TTC28: variants seen among roughly 807,000 people sequenced by gnomAD.
TTC28 encodes the protein tetratricopeptide repeat protein 28.
In TTC28, 61 loss-of-function variants were observed where a neutral mutation model predicts 198.0. That is an observed-to-expected ratio of 0.31 (90% CI 0.25 to 0.38). The LOEUF is 0.38. Ranked by LOEUF, TTC28 falls within the 10% of genes least tolerant of loss-of-function variation. The pLI, the probability that TTC28 is intolerant of heterozygous loss-of-function variation, is 1.00. For synonymous variants in TTC28, 1,171 were observed against 1,297.8 expected (o/e 0.90, Z 2.10); for missense variants, 2,678 against 3,164.0 (o/e 0.85, Z 3.69).
intron 6 of TTC28, among the ~76,000 whole-genome samples, chr22:28,140,805 T>C (rs1012936013): frequency 2.6e-5 from 4 of 152,348 alleles, no homozygotes; most frequent in African/African-American, 7.2e-5. Flanking sequence ...ACGTTTTTTT[T>C]CCTCAGACTG....
chr22:28,296,343 GAAA>G lies in TTC28; in HGVS notation c.803-18_803-16del. On this transcript the variant is annotated splice_polypyrimidine_tract_variant and intron_variant, in intron 4 of 22. Transcript: ENST00000397906. ...TGTCTGGTCACCTGGATTGAATTGA[GAAA>G]AAAAAAAAGAAAAAATTTCTCTAAG... 2 of 1,145,598 alleles carry G rather than the reference GAAA, an allele frequency of 1.7e-6. No individual in the cohort carries two copies. Among genetic ancestry groups the G allele is most frequent in the Admixed American group, 3.5e-5 (1 of 28,862 alleles). 71.0% of individuals were successfully genotyped at this position (1,145,598 alleles called of 1,614,324 possible). A position where few individuals can be genotyped will look rare whatever the true frequency, so the allele number is the denominator to read the frequency against.
intron 2 of TTC28, among the ~76,000 whole-genome samples, chr22:28,311,336 T>G (rs2045252457): frequency 6.6e-6 from 1 of 152,018 alleles, no homozygotes; most frequent in African/African-American, 2.4e-5. Context: ...CACCACTGAT[T>G]TATAATTTAA....
intron 2 of TTC28, among the ~76,000 whole-genome samples, chr22:28,344,479 G>C (rs1446368471): frequency 6.6e-6 from 1 of 152,044 alleles, no homozygotes; most frequent in Non-Finnish European, 1.5e-5. Context: ...AAGCATTAAG[G>C]AAACTGTAGG....
intron 2 of TTC28, among the ~76,000 whole-genome samples, chr22:28,512,979 ATT>A (rs695729): frequency 0.014 from 1,815 of 125,840 alleles, 43 homozygotes; most frequent in African/African-American, 0.051. Context: ...TTTAACCTGG[ATT>A]TTTTTTTTTT....
intron 2 of TTC28, among the ~76,000 whole-genome samples, chr22:28,564,886 TATAA>T (rs964594027): frequency 2.6e-4 from 39 of 147,708 alleles, no homozygotes; most frequent in Admixed American, 6.8e-4. Context: ...TAATTTATTA[TATAA>T]ATAAATTTAT....
intron 8 of TTC28, among the ~76,000 whole-genome samples, chr22:28,104,115 C>G (rs1004040030): frequency 2.0e-5 from 3 of 152,302 alleles, no homozygotes; most frequent in Non-Finnish European, 4.4e-5. Context: ...CCACTCTCCT[C>G]TTTGCTTGCT....
At chr22:28,452,422 G>A (rs2047795969) in intron 2 of TTC28, among the ~76,000 whole-genome samples, 1 of 145,134 alleles carries the variant, frequency 6.9e-6, no homozygotes, top group South Asian at 2.2e-4. Context: ...AAAAAAAGAG[G>A]CTGTATTTCT....
chr22:28,376,197 A>G (rs1206052856), intron 2 of TTC28, among the ~76,000 whole-genome samples: 1 of 152,206 alleles, frequency 6.6e-6, no homozygotes, highest in Non-Finnish European at 1.5e-5. Context: ...GAACCCTAAT[A>G]TAAATCAGAG....
intron 2 of TTC28, among the ~76,000 whole-genome samples, chr22:28,347,481 A>G (rs957344615): frequency 3.9e-5 from 6 of 152,094 alleles, no homozygotes; most frequent in African/African-American, 1.4e-4. Flanking sequence ...CACAATATAG[A>G]TATATAAGCG....
At chr22:28,238,570 CT>C (rs145170982) in intron 5 of TTC28, among the ~76,000 whole-genome samples, 2,359 of 152,172 alleles carry the variant, frequency 0.016, 77 homozygotes, top group African/African-American at 0.055. Context: ...TATTCTAAGA[CT>C]TGTTTTTAAG....
chr22:28,351,993 G>C (rs2046003605), intron 2 of TTC28, among the ~76,000 whole-genome samples: 1 of 152,058 alleles, frequency 6.6e-6, no homozygotes, highest in South Asian at 2.1e-4. Flanking sequence ...ACTCTGCTGT[G>C]TGTTCGTTTC....
chr22:28,540,826 G>T (rs1180785394), intron 2 of TTC28, among the ~76,000 whole-genome samples: 2 of 152,114 alleles, frequency 1.3e-5, no homozygotes, highest in Non-Finnish European at 2.9e-5. Context: ...GGAAAAAATT[G>T]ATATCTGAAT....
intron 1 of TTC28, among the ~76,000 whole-genome samples, chr22:28,656,306 G>A (rs2051651215): frequency 6.6e-6 from 1 of 152,210 alleles, no homozygotes; most frequent in African/African-American, 2.4e-5. Context: ...ACTGGATCCA[G>A]TAACTGCTAC....
chr22:28,439,487 A>G (rs2047581306), intron 2 of TTC28, among the ~76,000 whole-genome samples: 1 of 152,236 alleles, frequency 6.6e-6, no homozygotes, highest in Admixed American at 6.5e-5. Context: ...AAAATTCCCA[A>G]GTATAATGGT....
chr22:28,336,755 A>G (rs183328568), intron 2 of TTC28, among the ~76,000 whole-genome samples: 5 of 151,960 alleles, frequency 3.3e-5, no homozygotes, highest in South Asian at 4.2e-4. Flanking sequence ...TCTTGCTAGC[A>G]GTCTATCAAT....
chr22:28,074,280 T>C (rs181991992), intron 12 of TTC28, among the ~76,000 whole-genome samples: 1 of 152,320 alleles, frequency 6.6e-6, no homozygotes, highest in East Asian at 1.9e-4. Context: ...GTGCAAGATA[T>C]ACAAAGTCAG....
chr22:28,189,718 A>G (rs1391820669), intron 5 of TTC28, among the ~76,000 whole-genome samples: 1 of 152,198 alleles, frequency 6.6e-6, no homozygotes, highest in East Asian at 1.9e-4. Flanking sequence ...AATCCTGGGA[A>G]AATGGCATTC....
intron 12 of TTC28, among the ~76,000 whole-genome samples, chr22:28,077,609 T>A (rs1941210936): frequency 6.6e-6 from 1 of 152,198 alleles, no homozygotes; most frequent in Non-Finnish European, 1.5e-5. Context: ...TTGTTATCAG[T>A]GTAGAATCAA....
chr22:28,437,933 A>G (rs772292298), intron 2 of TTC28, among the ~76,000 whole-genome samples: 4 of 152,188 alleles, frequency 2.6e-5, no homozygotes, highest in Non-Finnish European at 5.9e-5. Flanking sequence ...GGCACTAACT[A>G]TAACAGTGGG....
Sources: allele counts gnomAD v4.1 joint callset (sites outside exome capture counted in the v4.1 genomes callset), GRCh38; gene constraint gnomAD v4.1.1; transcripts MANE v1.5; gene names NCBI Gene and HGNC (gene_info 2026-07-23, HGNC 2026-07-21).